KCNH1: variants seen among roughly 807,000 people sequenced by gnomAD.
The protein encoded by KCNH1 is voltage-gated delayed rectifier potassium channel KCNH1.
A neutral mutation model predicts 69.2 loss-of-function variants in KCNH1; 27 were observed. That is an observed-to-expected ratio of 0.39 (90% confidence interval 0.29 to 0.54). The LOEUF (loss-of-function observed/expected upper bound fraction) is 0.54. Ranked by LOEUF, KCNH1 falls within the 20% of genes least tolerant of loss-of-function variation. The pLI, the probability that KCNH1 is intolerant of heterozygous loss-of-function variation, is 0.68. For synonymous variants in KCNH1, 456 were observed against 487.7 expected, an observed-to-expected ratio of 0.93 and a Z score of 0.86; for missense variants, 798 against 1,261.6, an observed-to-expected ratio of 0.63 and a Z score of 5.57.
intron 4 of KCNH1, among the ~76,000 whole-genome samples, chr1:211,085,601 TAC>T: frequency 6.6e-6 from 1 of 151,986 alleles, no homozygotes; most frequent in East Asian, 1.9e-4. Flanking sequence ...TGAGGGCAGC[TAC>T]AGAGTCAGGA....
chr1:211,087,638 C>T lies in KCNH1; in HGVS notation c.439+2924G>A, dbSNP rs1469182031. Among the ~76,000 whole-genome samples, 155 of 32,280 alleles carry T rather than the reference C, an allele frequency of 4.8e-3. 6 individuals are homozygous for T. In the South Asian group the frequency reaches 0.14, roughly 30 times the overall value. The allele number at this position is 32,280 out of a possible 152,430, so 21.2% of individuals were successfully genotyped here. ...ACACACACACACACACACACACACA[C>T]GCACACACACACACACACACACACA... On this transcript the variant is annotated intron_variant, in intron 4 of 10. Transcript: ENST00000271751.
chr1:211,027,586 AC>A (rs1339994850), intron 5 of KCNH1, among the ~76,000 whole-genome samples: 1 of 151,990 alleles, frequency 6.6e-6, no homozygotes, highest in Non-Finnish European at 1.5e-5. Flanking sequence ...AAAGTGGGCA[AC>A]CCTGTCTCAG....
At chr1:210,997,639 G>T (rs566756035) in intron 6 of KCNH1, among the ~76,000 whole-genome samples, 75 of 152,240 alleles carry the variant, frequency 4.9e-4, no homozygotes, top group African/African-American at 1.8e-3. Context: ...AGGCCAACAT[G>T]CAGATTCAGG....
At chr1:211,093,165 T>C (rs919999405) in intron 3 of KCNH1, among the ~76,000 whole-genome samples, 3 of 152,160 alleles carry the variant, frequency 2.0e-5, no homozygotes, top group Non-Finnish European at 2.9e-5. Context: ...TCATTCTTCA[T>C]GTTTCATTTG....
intron 10 of KCNH1, among the ~76,000 whole-genome samples, chr1:210,708,123 A>ACTGT (rs1363835673): frequency 6.6e-6 from 1 of 152,140 alleles, no homozygotes; most frequent in African/African-American, 2.4e-5. Context: ...GAAGGAATCC[A>ACTGT]CTGTCTTATT....
chr1:210,812,616 A>G (rs1684729247), intron 7 of KCNH1, among the ~76,000 whole-genome samples: 1 of 152,238 alleles, frequency 6.6e-6, no homozygotes, highest in African/African-American at 2.4e-5. Flanking sequence ...ATTAGGATGA[A>G]CTGCTCATTA....
chr1:210,776,515 A>T (rs1683864161), intron 9 of KCNH1, among the ~76,000 whole-genome samples: 1 of 152,132 alleles, frequency 6.6e-6, no homozygotes, highest in Non-Finnish European at 1.5e-5. Context: ...GGAGCCTCTC[A>T]TAAATGGGAT....
chr1:211,039,898 A>G (rs1420086799), intron 5 of KCNH1, among the ~76,000 whole-genome samples: 1 of 152,150 alleles, frequency 6.6e-6, no homozygotes, highest in African/African-American at 2.4e-5. Context: ...GAAATGAGTT[A>G]AGACTTCAGG....
At position 210,684,072 on chromosome 1, in the gene KCNH1, C is replaced by T; in HGVS notation, c.2179G>A (p.Ala727Thr). Residue 727 changes from alanine to threonine, a missense_variant, in exon 11 of 11, where the codon GCC (alanine) becomes ACC (threonine). This residue lies in a region of KCNH1 where 331 missense variants were observed against 363.2 expected (regional missense o/e 0.91). Transcript: ENST00000271751. ...EEERMKRKNEAPLILPPDHPV... is the reference protein window; with the variant it reads ...EEERMKRKNETPLILPPDHPV... ...TGGTCCGGGGGCAAGATCAGGGGGG[C>T]CTCATTCTTTCGTTTCATGCGTTCT... is the stretch of plus-strand genomic sequence containing the variant. The T allele has an allele frequency of 6.6e-7, 1 of 1,521,484 alleles. No individual in the cohort carries two copies. The highest frequency in any genetic ancestry group is 8.8e-7 in the Non-Finnish European group (1 of 1,134,942). The allele number at this position is 1,521,484 out of a possible 1,614,324, so 94.2% of individuals were successfully genotyped here. A position where few individuals can be genotyped will look rare whatever the true frequency, so the allele number is the denominator to read the frequency against.
intron 6 of KCNH1, among the ~76,000 whole-genome samples, chr1:210,998,420 A>G (rs991863504): frequency 1.2e-4 from 18 of 152,240 alleles, no homozygotes; most frequent in African/African-American, 3.9e-4. Flanking sequence ...AAAGAAGGTC[A>G]TTACATAATG....
intron 6 of KCNH1, among the ~76,000 whole-genome samples, chr1:210,957,776 C>T (rs888705508): frequency 6.6e-6 from 1 of 152,104 alleles, no homozygotes; most frequent in Admixed American, 6.5e-5. Context: ...GTAGATCTTC[C>T]TCCATCCGTT....
intron 6 of KCNH1, among the ~76,000 whole-genome samples, chr1:210,932,134 C>T (rs559170051): frequency 1.9e-4 from 29 of 152,076 alleles, no homozygotes; most frequent in Non-Finnish European, 3.2e-4. Context: ...TTGAAGGTCC[C>T]CAAATAGATT....
At chr1:211,078,934 A>AAAAAAAAAAAAAAAAAAAAG (rs1553377558) in intron 5 of KCNH1, among the ~76,000 whole-genome samples, 1 of 142,366 alleles carries the variant, frequency 7.0e-6, no homozygotes, top group Non-Finnish European at 1.5e-5. Flanking sequence ...AAAAAAAAAA[A>AAAAAAAAAAAAAAAAAAAAG]AAAGAAAGAA....
chr1:210,700,799 T>C (rs1681754723), intron 10 of KCNH1, among the ~76,000 whole-genome samples: 1 of 152,210 alleles, frequency 6.6e-6, no homozygotes. Flanking sequence ...AGGTTATAGT[T>C]TGCTAACCAC....
At chr1:211,059,248 C>A (rs1450123588) in intron 5 of KCNH1, among the ~76,000 whole-genome samples, 37 of 150,306 alleles carry the variant, frequency 2.5e-4, no homozygotes, top group African/African-American at 8.3e-4. Flanking sequence ...CCACTATACT[C>A]CAGCCTGGGC....
rs78864215 is a variant in KCNH1 at position 210,925,076 on chromosome 1, G to A, written c.1033-5007C>T. ...TTCTACCAGATGCACAGATATCAAT[G>A]TAGGAACAAAGGAAACATGAAAAAG... is the stretch of plus-strand genomic sequence containing the variant. On this transcript the variant is annotated intron_variant, in intron 6 of 10. Coordinates refer to ENST00000271751, the MANE Select transcript of KCNH1 (RefSeq NM_172362.3). 1.6e-3 allele frequency among the ~76,000 whole-genome samples: 239 copies of A among 152,304 alleles called. 3 individuals carry two copies. Among genetic ancestry groups the A allele is most frequent in the East Asian group, 0.014 (74 of 5,186 alleles).
intron 7 of KCNH1, among the ~76,000 whole-genome samples, chr1:210,826,750 T>A (rs1348913414): frequency 6.6e-6 from 1 of 152,222 alleles, no homozygotes; most frequent in Non-Finnish European, 1.5e-5. Context: ...CTAAAATGAC[T>A]TACACTCTGA....
At chr1:210,781,485 G>T (rs1281823741) in intron 9 of KCNH1, among the ~76,000 whole-genome samples, 5 of 152,138 alleles carry the variant, frequency 3.3e-5, no homozygotes, top group African/African-American at 1.2e-4. Flanking sequence ...CAGCTGCAGA[G>T]TCCTGCCATA....
Position 210,680,479 on chromosome 1 carries a change from T to A in KCNH1, c.*2802A>T, listed in dbSNP as rs1681239684. 1 of 152,130 alleles carries A rather than the reference T, an allele frequency of 6.6e-6. No homozygotes were observed. Among genetic ancestry groups the A allele is most frequent in the East Asian group, 1.9e-4 (1 of 5,176 alleles). The allele number at this position is 152,130 out of a possible 1,614,324, so 9.4% of individuals were successfully genotyped here. The stretch of plus-strand genomic sequence containing the variant: ...GTCCCATACCTAGTAACTTTTTGTT[T>A]CCCTAATCTCTCTCCAGCCACCAGA... On this transcript the variant is annotated 3_prime_UTR_variant, in exon 11 of 11. Transcript: ENST00000271751.
Sources: allele counts gnomAD v4.1 joint callset (sites outside exome capture counted in the v4.1 genomes callset), GRCh38; gene constraint gnomAD v4.1.1; regional missense constraint gnomAD v4.1.1; transcripts MANE v1.5; gene names NCBI Gene and HGNC (gene_info 2026-07-23, HGNC 2026-07-21).